RTN2: variants seen among roughly 807,000 people sequenced by gnomAD.
RTN2 encodes reticulon 2, also known as reticulon-2.
In RTN2, 36 loss-of-function variants were observed where a neutral mutation model predicts 63.7. The ratio of observed to expected loss-of-function variants is 0.56; its 90% CI spans 0.43 to 0.75. The LOEUF is 0.75. RTN2 is among the 30% of genes least tolerant of loss of function. The pLI is 0.00. For missense variants in RTN2, 673 were observed against 705.1 expected (o/e 0.95, Z 0.52); for synonymous variants, 312 against 313.0 (o/e 1.00, Z 0.03).
chr19:45,492,107 C>T (rs62109598), intron 5 of RTN2, among the ~76,000 whole-genome samples: 32,822 of 151,984 alleles, frequency 0.22, 3,736 homozygotes, highest in East Asian at 0.28. Context: ...CCCCTTGATA[C>T]CCTTAGCAAC....
rs937244648 is a variant in RTN2 at position 45,495,134 on chromosome 19, C to T, written c.40G>A (p.Ala14Thr). Reference sequence around the variant, plus strand: ...GGAGTTGAGGAGGCTGTAGACGGAGCTTCTTCTGCGAGAGGGAAAGAATCG... The same window carrying T: ...GGAGTTGAGGAGGCTGTAGACGGAGTTTCTTCTGCGAGAGGGAAAGAATCG... ...VLPVFAHCKEAPSTASSTPDS... is the reference protein window; with the variant it reads ...VLPVFAHCKETPSTASSTPDS... The change falls in exon 2 of 11, where the codon GCT (alanine) becomes ACT (threonine). Residue 14 changes from alanine (A) to threonine (T), a missense_variant. Coordinates refer to ENST00000245923, the MANE Select transcript of RTN2 (RefSeq NM_005619.5). The T allele has an allele frequency of 6.2e-7, 1 of 1,614,114 alleles. No homozygotes were observed. Among genetic ancestry groups the T allele is most frequent in the Non-Finnish European group, 8.5e-7 (1 of 1,180,012 alleles).
At position 45,493,243 on chromosome 19, in the gene RTN2, AG is replaced by A. The variant is rs749165363; in HGVS notation, c.949del (p.Leu317SerfsTer5). ...TTTTGCCCACTTCAGTAGAACCCGG[AG>A]GACAGGAGTAGGGGGGGTGGGGCCC... is the stretch of plus-strand genomic sequence containing the variant. ...QRGPTPPTPV[L>X]RVLLKWAKSP... On this transcript the variant is annotated frameshift_variant, in exon 5 of 11. Transcript: ENST00000245923. LOFTEE classifies it high-confidence loss of function. 11 of 1,613,688 alleles carry A rather than the reference AG, an allele frequency of 6.8e-6. No homozygotes were observed. In the African/African-American group the frequency reaches 1.1e-4, roughly 16 times the overall value.
At chr19:45,489,184 G>A (rs1281513320) in intron 6 of RTN2, 162 bp downstream of exon 6, 2 of 877,052 alleles carry the variant, frequency 2.3e-6, no homozygotes, top group Non-Finnish European at 3.5e-6. Context: ...AAGGGTACCA[G>A]GTTAGGATCA....
chr19:45,491,618 G>C lies in RTN2; in HGVS notation c.1033+1542C>G, dbSNP rs540465510. 8.0e-5 allele frequency among the ~76,000 whole-genome samples: 12 copies of C among 149,596 alleles called. No homozygotes were observed. In the South Asian group the frequency reaches 2.3e-3, roughly 29 times the overall value. Reference sequence around the variant, plus strand: ...GCGATCTCAGCTCACTGCAAGCTCTGCCTCCCGGGTTCACGCCATTCTCCT... The same window carrying C: ...GCGATCTCAGCTCACTGCAAGCTCTCCCTCCCGGGTTCACGCCATTCTCCT... On this transcript the variant is annotated intron_variant, in intron 5 of 10. Transcript: ENST00000245923.
chr19:45,485,922 A>G (rs1451931051), intron 10 of RTN2, 133 bp from the exon 11 acceptor site: 3 of 1,140,824 alleles, frequency 2.6e-6, no homozygotes, highest in African/African-American at 1.5e-5. Context: ...CTAGTGGCCT[A>G]CATTGGAATT....
At chr19:45,489,965 G>A (rs866722067) in intron 5 of RTN2, among the ~76,000 whole-genome samples, 1 of 151,918 alleles carries the variant, frequency 6.6e-6, no homozygotes, top group Non-Finnish European at 1.5e-5. Context: ...GGGATTATAC[G>A]TGTGAGGCAC....
chr19:45,494,938 C>T lies in RTN2; in HGVS notation c.147G>A (p.Glu49=), dbSNP rs749642332. 6.2e-7 allele frequency: 1 copy of T among 1,613,700 alleles called. No individual in the cohort carries two copies. The highest frequency in any genetic ancestry group is 8.5e-7 in the Non-Finnish European group (1 of 1,179,996). ...TGCCCCAGTCCTGCGACGTGGTCTCCTCCTCGTCCTCCTCTGAGAATTCCC... is the reference window on the plus strand; with the variant it reads ...TGCCCCAGTCCTGCGACGTGGTCTCTTCCTCGTCCTCCTCTGAGAATTCCC... ...TAREFSEEDE[E]ETTSQDWGTP... is the part of the protein sequence containing the mutation. Residue 49 remains glutamate (E), a synonymous_variant, in exon 3 of 11, where the codon GAG becomes GAA. Transcript: ENST00000245923. This position sits in a 1 kb window ranked among gnomAD's most constrained non-coding sequence, Gnocchi z 5.3.
chr19:45,494,860 G>C lies in RTN2; in HGVS notation c.225C>G (p.Ser75=), dbSNP rs772058826. The change falls in exon 3 of 11, where the codon TCC becomes TCG. Residue 75 remains serine (S), a synonymous_variant. Coordinates refer to ENST00000245923, the MANE Select transcript of RTN2 (RefSeq NM_005619.5). This position sits in a 1 kb window ranked among gnomAD's most constrained non-coding sequence, Gnocchi z 5.3. ...GGGCAGTTGAATCCCTGCGGCCCCC[G>C]GAGCCCACTACACCATCAAAGGCGA... ...SYIAFDGVVG[S]GGRRDSTARR... is the part of the protein sequence containing the mutation. 6.2e-7 allele frequency: 1 copy of C among 1,606,284 alleles called. No homozygotes were observed. Among genetic ancestry groups the C allele is most frequent in the East Asian group, 2.2e-5 (1 of 44,874 alleles).
At chr19:45,488,208 A>C (rs1968069827) in intron 9 of RTN2, among the ~76,000 whole-genome samples, 1 of 150,720 alleles carries the variant, frequency 6.6e-6, no homozygotes, top group Non-Finnish European at 1.5e-5. Context: ...AGCCGAGATC[A>C]CACCACTGCA....
intron 10 of RTN2, 92 bp from the exon 11 acceptor site, chr19:45,485,881 C>A: frequency 1.6e-6 from 2 of 1,258,828 alleles, no homozygotes; most frequent in East Asian, 2.4e-5. Flanking sequence ...GGAAACTGAC[C>A]AAGAGCCCGA....
rs532564408 is a variant in RTN2 at position 45,489,082 on chromosome 19, G to A, written c.1242-96C>T. ...CAAGGGAGAGGAATGGCGGTTGGGA[G>A]AAGACCAGAGTTAGGACTGAGGGGC... On this transcript the variant is annotated intron_variant, in intron 6 of 10. Transcript: ENST00000245923. The A allele has an allele frequency of 6.4e-5, 89 of 1,388,036 alleles. No individual in the cohort carries two copies. The African/African-American group carries it at 1.2e-3, about 19-fold the overall frequency. The allele number at this position is 1,388,036 out of a possible 1,614,324, so 86.0% of individuals were successfully genotyped here.
intron 5 of RTN2, among the ~76,000 whole-genome samples, chr19:45,491,752 G>A (rs1157424529): frequency 2.0e-5 from 3 of 151,806 alleles, no homozygotes; most frequent in African/African-American, 4.8e-5. Flanking sequence ...GGATGGTCTC[G>A]ATCTCCTGAC....
Position 45,494,506 on chromosome 19 carries a change from C to T in RTN2, c.559+20G>A. On this transcript the variant is annotated intron_variant, in intron 3 of 10. Coordinates refer to ENST00000245923, the MANE Select transcript of RTN2 (RefSeq NM_005619.5). This position sits in a 1 kb window ranked among gnomAD's most constrained non-coding sequence, Gnocchi z 5.3. ...CACCCACCCCTCTTGGCTTTGGTCCCAGCACCTCGGACATCTCACCTTCCC... is the reference window on the plus strand; with the variant it reads ...CACCCACCCCTCTTGGCTTTGGTCCTAGCACCTCGGACATCTCACCTTCCC... 1.9e-6 allele frequency: 3 copies of T among 1,610,448 alleles called. No homozygotes were observed. The highest frequency in any genetic ancestry group is 2.5e-6 in the Non-Finnish European group (3 of 1,177,608).
At chr19:45,486,448 T>C (rs1474955471) in intron 9 of RTN2, among the ~76,000 whole-genome samples, 1 of 152,210 alleles carries the variant, frequency 6.6e-6, no homozygotes, top group African/African-American at 2.4e-5. Flanking sequence ...GGCACTGGCA[T>C]TGGTCACCGA....
At chr19:45,495,276 A>T in intron 1 of RTN2, 137 bp from the exon 2 acceptor site, 1 of 955,192 alleles carries the variant, frequency 1.0e-6, no homozygotes, top group Non-Finnish European at 1.6e-6. Flanking sequence ...AAAACCTAGC[A>T]TCACTGCCTG....
In RTN2 at chr19:45,496,780, T is replaced by C; in HGVS notation, c.34+12A>G. 1 of 1,509,470 alleles carries C rather than the reference T, an allele frequency of 6.6e-7. No homozygotes were observed. Among genetic ancestry groups the C allele is most frequent in the Non-Finnish European group, 8.9e-7 (1 of 1,122,618 alleles). 93.5% of individuals were successfully genotyped at this position (1,509,470 alleles called of 1,614,324 possible). A position where few individuals can be genotyped will look rare whatever the true frequency, so the allele number is the denominator to read the frequency against. On this transcript the variant is annotated intron_variant, in intron 1 of 10. Transcript: ENST00000245923. ...TGGGGCCCACACCAGGCCCCAGTCT[T>C]CCTCTACTCACTGCAGTGGGCGAAG...
rs761067091 is a variant in RTN2 at position 45,489,357 on chromosome 19, G to A, written c.1230C>T (p.Ala410=). ...VLQAVHRGDG[A]NPFQAYLDVD... ...CCGGGGGTTCTCACTGGAAAGGGTT[G>A]GCTCCATCCCCCCGGTGCACGGCCT... The change falls in exon 6 of 11, where the codon GCC becomes GCT. Residue 410 remains alanine (A), a synonymous_variant. Coordinates refer to ENST00000245923, the MANE Select transcript of RTN2 (RefSeq NM_005619.5). The A allele has an allele frequency of 9.6e-6, 15 of 1,565,276 alleles. No homozygotes were observed. The highest frequency in any genetic ancestry group is 1.2e-5 in the Non-Finnish European group (14 of 1,155,234).
intron 1 of RTN2, 73 bp from the exon 2 acceptor site, chr19:45,495,212 A>C: frequency 6.5e-7 from 1 of 1,544,162 alleles, no homozygotes; most frequent in African/African-American, 1.4e-5. Context: ...CCAGTCCTGG[A>C]ATCTTAGAAT....
chr19:45,496,993 GC>G lies in RTN2; in HGVS notation c.-169del. On this transcript the variant is annotated 5_prime_UTR_variant, in exon 1 of 11. Transcript: ENST00000245923. ...CGCCGCCGCCGCCGCCGCCGCCGCC[GC>G]CCTGGTGCTCGGCTCGGCGGGGGCG... The G allele has an allele frequency of 3.4e-6, 1 of 290,228 alleles. No individual in the cohort carries two copies. Among genetic ancestry groups the G allele is most frequent in the Non-Finnish European group, 6.0e-6 (1 of 167,192 alleles). 18.0% of individuals were successfully genotyped at this position (290,228 alleles called of 1,614,324 possible).
Sources: allele counts gnomAD v4.1 joint callset (sites outside exome capture counted in the v4.1 genomes callset), GRCh38; gene constraint gnomAD v4.1.1; non-coding constraint Gnocchi (gnomAD v3.1); transcripts MANE v1.5; gene names NCBI Gene and HGNC (gene_info 2026-07-23, HGNC 2026-07-21).